The following TMEM101 variants were observed in gnomAD, a reference collection of about 807,000 sequenced individuals.
TMEM101 encodes the protein putative NF-kappa-B-activating protein 130.
Under a neutral mutation model 26.0 loss-of-function variants are expected in TMEM101, and 14 were observed. That is an observed-to-expected ratio of 0.54 (90% CI 0.36 to 0.84). TMEM101 has a LOEUF of 0.84. Ranked by LOEUF, TMEM101 falls within the 40% of genes least tolerant of loss-of-function variation. The pLI is 0.01. For missense variants in TMEM101, 292 were observed against 345.1 expected (o/e 0.85, Z 1.22); for synonymous variants, 152 against 145.1 (o/e 1.05, Z -0.34).
upstream of TMEM101, among the ~76,000 whole-genome samples, chr17:44,017,342 G>A (rs1434037330): frequency 6.6e-6 from 1 of 151,722 alleles, no homozygotes; most frequent in Admixed American, 6.6e-5. Context: ...GCTCATGCCT[G>A]TAATCCCAGC....
upstream of TMEM101, among the ~76,000 whole-genome samples, chr17:44,017,182 G>A (rs1237278063): frequency 4.6e-5 from 7 of 150,814 alleles, no homozygotes; most frequent in South Asian, 2.1e-4. Context: ...CCACCAGGCC[G>A]GGTGTGGTGG....
At position 44,011,823 on chromosome 17, in the gene TMEM101, A is replaced by C; in HGVS notation, c.*105T>G. On this transcript the variant is annotated 3_prime_UTR_variant, in exon 4 of 4. Coordinates refer to ENST00000206380, the MANE Select transcript of TMEM101 (RefSeq NM_032376.4). ...ATTTTAAAAAAGCAAAAGATCAAAC[A>C]AACAGACCAAAAAGCATAAATAAAC... 1 of 1,266,300 alleles carries C rather than the reference A, an allele frequency of 7.9e-7. No homozygotes were observed. Among genetic ancestry groups the C allele is most frequent in the Non-Finnish European group, 1.1e-6 (1 of 921,796 alleles). 78.4% of individuals were successfully genotyped at this position (1,266,300 alleles called of 1,614,324 possible).
At chr17:44,023,156 C>T, upstream of TMEM101, 1 of 211,080 alleles carries the variant, frequency 4.7e-6, no homozygotes, top group Non-Finnish European at 9.8e-6. Flanking sequence ...GTCTGGGACC[C>T]TAGCTCTTTT....
At chr17:44,014,971 G>T (rs769432904), upstream of TMEM101, 24 of 1,599,276 alleles carry the variant, frequency 1.5e-5, no homozygotes, top group African/African-American at 2.3e-4. Flanking sequence ...AGGGCAGTCC[G>T]CTGCGGCCTC....
upstream of TMEM101, chr17:44,015,112 A>G (rs2049215701): frequency 1.1e-6 from 1 of 947,584 alleles, no homozygotes; most frequent in Non-Finnish European, 1.5e-6. Flanking sequence ...TGCGAAGTCC[A>G]GCCTTCTCGT....
At chr17:44,014,009 A>G (rs2049194352) in intron 2 of TMEM101, among the ~76,000 whole-genome samples, 1 of 152,194 alleles carries the variant, frequency 6.6e-6, no homozygotes, top group African/African-American at 2.4e-5. Flanking sequence ...GGTACTCTCC[A>G]AGGTCCTTTG....
chr17:44,018,686 C>T (rs1481559056), upstream of TMEM101, among the ~76,000 whole-genome samples: 3 of 152,156 alleles, frequency 2.0e-5, no homozygotes, highest in Non-Finnish European at 2.9e-5. Flanking sequence ...CCTGGGTTGT[C>T]CCTATAGGCA....
rs1204679392 is a variant in TMEM101 at position 44,013,020 on chromosome 17, G to A, written c.454C>T (p.Leu152Phe). The A allele has an allele frequency of 1.2e-6, 2 of 1,603,696 alleles. No homozygotes were observed. The highest frequency in any genetic ancestry group is 1.7e-5 in the Admixed American group (1 of 59,658). ...GTCCCCCAACATACCACACAGATGA[G>A]GTAGATACCCAGGAACACCTGGCCG... is the stretch of plus-strand genomic sequence containing the variant. Reference protein sequence around the residue: ...STGQVFLGIYLICVAYSLQHS... With the variant: ...STGQVFLGIYFICVAYSLQHS... The change falls in exon 3 of 4, where the codon CTC becomes TTC. Residue 152 changes from leucine to phenylalanine, a missense_variant. Transcript: ENST00000206380.
Position 44,011,737 on chromosome 17 carries a change from C to G in TMEM101, c.*191G>C. On this transcript the variant is annotated 3_prime_UTR_variant, in exon 4 of 4. Transcript: ENST00000206380. Reference sequence around the variant, plus strand: ...ACAGCATTAGTGCCAGGGCTCCTGCCCTCCCAAGCGCTGAGCCCAGAAATT... The same window carrying G: ...ACAGCATTAGTGCCAGGGCTCCTGCGCTCCCAAGCGCTGAGCCCAGAAATT... 1 of 628,442 alleles carries G rather than the reference C, an allele frequency of 1.6e-6. No individual in the cohort carries two copies. The highest frequency in any genetic ancestry group is 2.0e-5 in the South Asian group (1 of 49,040). The allele number at this position is 628,442 out of a possible 1,614,324, so 38.9% of individuals were successfully genotyped here.
intron 3 of TMEM101, 139 bp downstream of exon 3, chr17:44,012,870 G>T: frequency 1.0e-6 from 1 of 983,906 alleles, no homozygotes; most frequent in Non-Finnish European, 1.4e-6. Context: ...AAGCTGGCCA[G>T]GGCAATTCCC....
upstream of TMEM101, among the ~76,000 whole-genome samples, chr17:44,019,962 T>A (rs1405452561): frequency 2.0e-5 from 3 of 152,230 alleles, no homozygotes; most frequent in East Asian, 5.8e-4. Context: ...GCCATTTGAC[T>A]TTGCAACATG....
chr17:44,013,070 G>T lies in TMEM101; in HGVS notation c.404C>A (p.Pro135His). The change falls in exon 3 of 4, where the codon CCT (proline) becomes CAT (histidine). Residue 135 changes from proline to histidine, a missense_variant. Physicochemically the swap from Pro to His is moderately conservative, Grantham distance 77. Around this residue, in one of 2 missense-constraint regions of TMEM101, gnomAD observed 149 missense variants for 211.9 expected, o/e 0.70. Transcript: ENST00000206380. ...GGTGGACTGCAGGGAGCGGCTGCGA[G>T]GTTTCCGGCGGTACAGCTCCCCAGC... is the stretch of plus-strand genomic sequence containing the variant. ...SGAGELYRRKPRSRSLQSTGQ... is the reference protein window; with the variant it reads ...SGAGELYRRKHRSRSLQSTGQ... 1 of 1,609,950 alleles carries T rather than the reference G, an allele frequency of 6.2e-7. No individual in the cohort carries two copies. Among genetic ancestry groups the T allele is most frequent in the Non-Finnish European group, 8.5e-7 (1 of 1,176,970 alleles).
At chr17:44,014,640 A>G (rs2049206005) in intron 1 of TMEM101, 103 bp from the exon 2 acceptor site, 4 of 1,516,438 alleles carry the variant, frequency 2.6e-6, no homozygotes, top group African/African-American at 2.7e-5. Flanking sequence ...CCCCCAAACC[A>G]GACTCCCCTC....
In TMEM101 at chr17:44,012,235, G is replaced by C. The variant is rs770151253; in HGVS notation, c.467C>G (p.Ala156Gly). 6.2e-7 allele frequency: 1 copy of C among 1,609,346 alleles called. No homozygotes were observed. The highest frequency in any genetic ancestry group is 2.2e-5 in the East Asian group (1 of 44,838). Reference sequence around the variant, plus strand: ...CTCCTTGCTGTGCTGCAGTGAGTAGGCCTGGAGACATAACATCCTCTAAGA... The same window carrying C: ...CTCCTTGCTGTGCTGCAGTGAGTAGCCCTGGAGACATAACATCCTCTAAGA... ...VFLGIYLICVAYSLQHSKEDR... is the reference protein window; with the variant it reads ...VFLGIYLICVGYSLQHSKEDR... Residue 156 changes from alanine to glycine, a missense_variant and splice_region_variant, in exon 4 of 4, where the codon GCC becomes GGC. By Grantham distance (60) the Ala-to-Gly change is moderately conservative. Transcript: ENST00000206380.
Position 44,011,611 on chromosome 17 carries a change from ACT to A in TMEM101, c.*315_*316del. ...TCCTTCCTCTGTCTCCCACTCTCCC[ACT>A]CTCAGTAGCCGCATCCCAGCCCTGC... On this transcript the variant is annotated 3_prime_UTR_variant, in exon 4 of 4. Coordinates refer to ENST00000206380, the MANE Select transcript of TMEM101 (RefSeq NM_032376.4). The A allele has an allele frequency of 1.1e-5, 4 of 375,424 alleles. No homozygotes were observed. Among genetic ancestry groups the A allele is most frequent in the Non-Finnish European group, 1.9e-5 (4 of 205,528 alleles). The allele number at this position is 375,424 out of a possible 1,614,324, so 23.3% of individuals were successfully genotyped here. A position where few individuals can be genotyped will look rare whatever the true frequency, so the allele number is the denominator to read the frequency against.
At chr17:44,023,019 A>T (rs2049299790) in intron 1 of TMEM101, 4 of 283,686 alleles carry the variant, frequency 1.4e-5, no homozygotes, top group Non-Finnish European at 2.7e-5. Flanking sequence ...GGGAAAAGAG[A>T]TATATATATT....
At chr17:44,019,395 G>A, upstream of TMEM101, 2 of 363,280 alleles carry the variant, frequency 5.5e-6, no homozygotes. Flanking sequence ...GCACAGACGA[G>A]GAGAGGTCTC....
rs556408540 is a variant in TMEM101 at position 44,013,763 on chromosome 17, T to C, written c.318+594A>G. The stretch of plus-strand genomic sequence containing the variant: ...CTTCCCCACTCTCAGATCTGTAGAC[T>C]CTAATCTTGGTGTTCTTTATTCTAC... On this transcript the variant is annotated intron_variant, in intron 2 of 3. Coordinates refer to ENST00000206380, the MANE Select transcript of TMEM101 (RefSeq NM_032376.4). 4.1e-4 allele frequency among the ~76,000 whole-genome samples: 63 copies of C among 152,236 alleles called. No individual in the cohort carries two copies. The South Asian group carries it at 0.013, about 31-fold the overall frequency.
At chr17:44,016,633 G>A (rs1271424395), upstream of TMEM101, among the ~76,000 whole-genome samples, 1 of 152,214 alleles carries the variant, frequency 6.6e-6, no homozygotes, top group Non-Finnish European at 1.5e-5. Flanking sequence ...AATACTGTAA[G>A]TTGAAAATGT....
Sources: allele counts gnomAD v4.1 joint callset (sites outside exome capture counted in the v4.1 genomes callset), GRCh38; gene constraint gnomAD v4.1.1; regional missense constraint gnomAD v4.1.1; transcripts MANE v1.5; gene names NCBI Gene and HGNC (gene_info 2026-07-23, HGNC 2026-07-21).